Variants in GOLM1 observed in about 807,000 individuals in gnomAD.
The protein encoded by GOLM1 is golgi membrane protein 1.
Under a neutral mutation model 50.5 loss-of-function variants are expected in GOLM1, and 31 were observed. The observed-to-expected ratio is 0.61, with a 90% confidence interval of 0.46 to 0.83. GOLM1 has a LOEUF of 0.83. Ranked by LOEUF, GOLM1 falls within the 40% of genes least tolerant of loss-of-function variation. The pLI, the probability that GOLM1 is intolerant of heterozygous loss-of-function variation, is 0.00. For missense variants in GOLM1, 491 were observed against 501.3 expected (o/e 0.98, Z 0.20); for synonymous variants, 178 against 192.8 (o/e 0.92, Z 0.64).
chr9:86,053,138 ACCACACACCACT>A (rs1309371647), intron 3 of GOLM1, among the ~76,000 whole-genome samples: 3 of 130,394 alleles, frequency 2.3e-5, no homozygotes, highest in Admixed American at 2.3e-4. Flanking sequence ...ACCACACCAA[ACCACACACCACT>A]CCACACCACA....
At chr9:86,036,216 C>T (rs1833138047) in intron 7 of GOLM1, 132 bp downstream of exon 7, 1 of 876,412 alleles carries the variant, frequency 1.1e-6, no homozygotes, top group South Asian at 1.4e-5. Context: ...TCCAGGGGCC[C>T]AGAGAGACAC....
intron 1 of GOLM1, among the ~76,000 whole-genome samples, chr9:86,096,581 C>T (rs1480638150): frequency 1.3e-5 from 2 of 152,146 alleles, no homozygotes; most frequent in African/African-American, 4.8e-5. Flanking sequence ...AGCAAAATAC[C>T]GTGGCTGGCA....
rs146355201 is a variant in GOLM1, at chr9:86,034,056, C to T, written c.1016-661G>A. On this transcript the variant is annotated intron_variant, in intron 8 of 9. Coordinates refer to ENST00000388712, the MANE Select transcript of GOLM1 (RefSeq NM_016548.4). The stretch of plus-strand genomic sequence containing the variant: ...CTCGGCTCACTGCAACCTCCGCCTC[C>T]GGGGTTCAAGCGATTCTCCTGCCTC... Among the ~76,000 whole-genome samples the T allele has an allele frequency of 6.7e-3, 1,011 of 151,526 alleles. 35 individuals carry two copies. The highest frequency in any genetic ancestry group is 0.056 in the Admixed American group (846 of 15,240).
chr9:86,047,146 C>T (rs1448854848), intron 4 of GOLM1, among the ~76,000 whole-genome samples: 2 of 152,148 alleles, frequency 1.3e-5, no homozygotes, highest in African/African-American at 4.8e-5. Flanking sequence ...AGGGAAAGAG[C>T]GGCTTTCTTT....
chr9:86,072,754 T>C (rs1461435003), intron 3 of GOLM1, among the ~76,000 whole-genome samples: 2 of 152,236 alleles, frequency 1.3e-5, no homozygotes, highest in African/African-American at 4.8e-5. Context: ...AGATTTTGTC[T>C]TTGTGTAACC....
chr9:86,075,270 G>C (rs1834577853), intron 3 of GOLM1, among the ~76,000 whole-genome samples: 1 of 152,226 alleles, frequency 6.6e-6, no homozygotes, highest in African/African-American at 2.4e-5. Context: ...GCCTTAAACA[G>C]ACTAAGACAA....
chr9:86,093,568 C>CAA (rs35939357), intron 1 of GOLM1, among the ~76,000 whole-genome samples: 2,103 of 124,650 alleles, frequency 0.017, 60 homozygotes, highest in African/African-American at 0.053. Flanking sequence ...AGATTTCTGT[C>CAA]AAAAAAAAAA....
Position 86,027,195 on chromosome 9 carries a change from A to T in GOLM1, c.*622T>A, listed in dbSNP as rs927814249. On this transcript the variant is annotated 3_prime_UTR_variant, in exon 10 of 10. Coordinates refer to ENST00000388712, the MANE Select transcript of GOLM1 (RefSeq NM_016548.4). The stretch of plus-strand genomic sequence containing the variant: ...TACATTAAAAATGACAAGGGTTATT[A>T]TACAAGTAGCCTTTTAAAAAATTCT... The T allele has an allele frequency of 1.1e-5, 11 of 985,340 alleles. No homozygotes were observed. In the East Asian group the frequency reaches 7.9e-4, roughly 71 times the overall value. The allele number at this position is 985,340 out of a possible 1,614,324, so 61.0% of individuals were successfully genotyped here.
chr9:86,027,299 A>C lies in GOLM1; in HGVS notation c.*518T>G. 1.0e-6 allele frequency: 1 copy of C among 985,044 alleles called. No individual in the cohort carries two copies. Among genetic ancestry groups the C allele is most frequent in the Non-Finnish European group, 1.2e-6 (1 of 829,530 alleles). 61.0% of individuals were successfully genotyped at this position (985,044 alleles called of 1,614,324 possible). ...CGTTTGTGTTAACAGTCAGTGCTCT[A>C]GGCCATTGATTGATTGATTGTCAGA... On this transcript the variant is annotated 3_prime_UTR_variant, in exon 10 of 10. Transcript: ENST00000388712.
At chr9:86,042,676 T>C (rs192376923) in intron 5 of GOLM1, among the ~76,000 whole-genome samples, 36 of 152,350 alleles carry the variant, frequency 2.4e-4, no homozygotes, top group African/African-American at 7.0e-4. Flanking sequence ...CTGTATACTG[T>C]AGAACTAAAT....
intron 9 of GOLM1, among the ~76,000 whole-genome samples, chr9:86,029,304 A>C (rs1325016221): frequency 1.3e-5 from 2 of 152,210 alleles, no homozygotes; most frequent in Non-Finnish European, 2.9e-5. Flanking sequence ...AAGTGCACTC[A>C]TGACATTTTA....
chr9:86,052,865 A>G (rs1833805617), intron 3 of GOLM1, among the ~76,000 whole-genome samples: 1 of 133,078 alleles, frequency 7.5e-6, no homozygotes, highest in Non-Finnish European at 1.6e-5. Flanking sequence ...CTCCTCCAGG[A>G]AAGGGCCAGC....
rs138514099 is a variant in GOLM1, at chr9:86,038,680, T to C, written c.597+2059A>G. Among the ~76,000 whole-genome samples, 637 of 152,172 alleles carry C rather than the reference T, an allele frequency of 4.2e-3. 4 individuals carry two copies. The highest frequency in any genetic ancestry group is 0.015 in the African/African-American group (610 of 41,504). ...TGACAAAGGTGCCAAGACAATTCAGTGGGGGAAAAGCAGTCTTTCTTTCAA... is the reference window on the plus strand; with the variant it reads ...TGACAAAGGTGCCAAGACAATTCAGCGGGGGAAAAGCAGTCTTTCTTTCAA... On this transcript the variant is annotated intron_variant, in intron 6 of 9. Coordinates refer to ENST00000388712, the MANE Select transcript of GOLM1 (RefSeq NM_016548.4).
At chr9:86,028,393 C>A (rs1410576442) in intron 9 of GOLM1, among the ~76,000 whole-genome samples, 1 of 152,194 alleles carries the variant, frequency 6.6e-6, no homozygotes, top group African/African-American at 2.4e-5. Context: ...AGTAGGAGAT[C>A]CCGGCTGCTG....
chr9:86,098,190 G>A (rs921819705), intron 1 of GOLM1, among the ~76,000 whole-genome samples: 1 of 152,158 alleles, frequency 6.6e-6, no homozygotes, highest in Non-Finnish European at 1.5e-5. Context: ...GACACCTTAA[G>A]AATTGAGTGT....
At position 86,027,341 on chromosome 9, in the gene GOLM1, C is replaced by G. The variant is rs1011001073; in HGVS notation, c.*476G>C. 1.0e-5 allele frequency: 10 copies of G among 987,436 alleles called. No individual in the cohort carries two copies. In the African/African-American group the frequency reaches 1.7e-4, roughly 17 times the overall value. 61.2% of individuals were successfully genotyped at this position (987,436 alleles called of 1,614,324 possible). A position where few individuals can be genotyped will look rare whatever the true frequency, so the allele number is the denominator to read the frequency against. The stretch of plus-strand genomic sequence containing the variant: ...ATTGTCAGAATCAGAAGTGACTACA[C>G]AAGAGCATTAGCCAGACTTTTCAGT... On this transcript the variant is annotated 3_prime_UTR_variant, in exon 10 of 10. Transcript: ENST00000388712.
At chr9:86,049,935 G>A (rs1833683729) in intron 4 of GOLM1, among the ~76,000 whole-genome samples, 1 of 152,140 alleles carries the variant, frequency 6.6e-6, no homozygotes, top group East Asian at 1.9e-4. Flanking sequence ...GGGCATCCCT[G>A]TCTTGTGCCT....
At chr9:86,089,208 A>G (rs1835095101) in intron 1 of GOLM1, among the ~76,000 whole-genome samples, 1 of 151,848 alleles carries the variant, frequency 6.6e-6, no homozygotes, top group East Asian at 1.9e-4. Context: ...CTTCATTTCA[A>G]CCTTGGTGAA....
chr9:86,084,185 G>A (rs545908474), intron 1 of GOLM1, among the ~76,000 whole-genome samples: 57 of 152,340 alleles, frequency 3.7e-4, no homozygotes, highest in African/African-American at 1.2e-3. Context: ...CATTTTGCAG[G>A]AGATGAAATA....
Sources: allele counts gnomAD v4.1 joint callset (sites outside exome capture counted in the v4.1 genomes callset), GRCh38; gene constraint gnomAD v4.1.1; transcripts MANE v1.5; gene names NCBI Gene and HGNC (gene_info 2026-07-23, HGNC 2026-07-21).